Variants in FREM3 observed in about 807,000 individuals in gnomAD.
FREM3 encodes FRAS1 related extracellular matrix 3.
A neutral mutation model predicts 129.1 loss-of-function variants in FREM3; 105 were observed. That is an observed-to-expected ratio of 0.81 (90% CI 0.69 to 0.96). The LOEUF is 0.96. FREM3 is among the 40% of genes least tolerant of loss of function. FREM3 has a pLI of 0.00. For synonymous variants in FREM3, 1,014 were observed against 1,044.9 expected, an observed-to-expected ratio of 0.97 and a Z score of 0.57; for missense variants, 2,593 against 2,666.3, an observed-to-expected ratio of 0.97 and a Z score of 0.61.
At chr4:143,695,470 C>T (rs1384113887) in intron 1 of FREM3, 21 bp downstream of exon 1, 12 of 1,516,348 alleles carry the variant, frequency 7.9e-6, no homozygotes, top group Non-Finnish European at 1.1e-5. Flanking sequence ...ACAGAATAGG[C>T]AGGGAAGAAT....
chr4:143,696,288 C>T lies in FREM3; in HGVS notation c.4388G>A (p.Ser1463Asn), dbSNP rs1393960312. Residue 1463 changes from serine to asparagine, a missense_variant, in exon 1 of 8, where the codon AGC becomes AAC. Ser to Asn is a conservative substitution (Grantham distance 46). This residue lies in a region of FREM3 where 2,276 missense variants were observed against 2,267.2 expected (regional missense o/e 1.00). Coordinates refer to ENST00000329798, the MANE Select transcript of FREM3 (RefSeq NM_001168235.2). ...DINSSDEHHF[S>N]ITRAPSLGHL... ...ACCCAGGCTTGGAGCCCGTGTAATG[C>T]TAAAGTGATGTTCATCAGAGCTGTT... The T allele has an allele frequency of 5.9e-6, 9 of 1,537,578 alleles. No individual in the cohort carries two copies. In the South Asian group the frequency reaches 8.3e-5, roughly 14 times the overall value.
chr4:143,665,351 C>T (rs1414192122), intron 2 of FREM3, among the ~76,000 whole-genome samples: 4 of 152,082 alleles, frequency 2.6e-5, no homozygotes, highest in Admixed American at 2.6e-4. Context: ...ATAGCATTTA[C>T]CCTGCCTTAT....
intron 5 of FREM3, among the ~76,000 whole-genome samples, chr4:143,615,645 T>A (rs978548228): frequency 1.3e-5 from 2 of 151,750 alleles, no homozygotes; most frequent in Admixed American, 1.3e-4. Context: ...GAAAAAATAA[T>A]GATTCTGGCT....
In FREM3 at chr4:143,662,268, C is replaced by T. The variant is rs973001891; in HGVS notation, c.5275+30845G>A. On this transcript the variant is annotated intron_variant, in intron 2 of 7. Transcript: ENST00000329798. ...TCTACACACTGCTTTGAATGTGTCC[C>T]AGAGATTCTGGTATGTTGTGTCTTT... Among the ~76,000 whole-genome samples, 10 of 152,258 alleles carry T rather than the reference C, an allele frequency of 6.6e-5. No homozygotes were observed. In the East Asian group the frequency reaches 1.7e-3, roughly 26 times the overall value.
intron 1 of FREM3, among the ~76,000 whole-genome samples, chr4:143,695,028 A>G (rs910952121): frequency 6.6e-6 from 1 of 152,234 alleles, no homozygotes; most frequent in African/African-American, 2.4e-5. Context: ...AGACGTAGAA[A>G]TTACGTTTGA....
intron 2 of FREM3, among the ~76,000 whole-genome samples, chr4:143,688,698 C>G (rs957501946): frequency 6.6e-6 from 1 of 152,062 alleles, no homozygotes; most frequent in Non-Finnish European, 1.5e-5. Context: ...TGGAACAGAA[C>G]AGAGAACCCA....
chr4:143,674,510 C>A (rs140869431), intron 2 of FREM3, among the ~76,000 whole-genome samples: 2,158 of 152,228 alleles, frequency 0.014, 44 homozygotes, highest in African/African-American at 0.05. Flanking sequence ...TGGCTGACAT[C>A]GTAATGATAG....
rs146670212 is a variant in FREM3 at position 143,616,096 on chromosome 4, A to C, written c.5780-4569T>G. Among the ~76,000 whole-genome samples, 13 of 152,388 alleles carry C rather than the reference A, an allele frequency of 8.5e-5. No individual in the cohort carries two copies. In the East Asian group the frequency reaches 2.5e-3, roughly 29 times the overall value. On this transcript the variant is annotated intron_variant, in intron 5 of 7. Coordinates refer to ENST00000329798, the MANE Select transcript of FREM3 (RefSeq NM_001168235.2). ...AATACATGTAAGATTTTAGATGCAT[A>C]GAAAAAACATCTCTACAAAGACAAC...
At chr4:143,623,342 G>A (rs1465951872) in intron 4 of FREM3, among the ~76,000 whole-genome samples, 1 of 152,100 alleles carries the variant, frequency 6.6e-6, no homozygotes, top group African/African-American at 2.4e-5. Context: ...GTAGTTCAGA[G>A]CACACTAATG....
chr4:143,686,999 GAAAC>G (rs1281832708), intron 2 of FREM3, among the ~76,000 whole-genome samples: 3 of 151,778 alleles, frequency 2.0e-5, no homozygotes, highest in Non-Finnish European at 2.9e-5. Flanking sequence ...AAGTGAAACT[GAAAC>G]AAACAAACAA....
chr4:143,611,216 T>G, intron 6 of FREM3, 63 bp downstream of exon 6: 1 of 1,477,954 alleles, frequency 6.8e-7, no homozygotes, highest in Non-Finnish European at 9.0e-7. Flanking sequence ...GCCTTTCAAC[T>G]GTTGGAGGAA....
chr4:143,577,417 C>T lies in FREM3; in HGVS notation c.*194G>A. The T allele has an allele frequency of 3.6e-6, 2 of 555,462 alleles. No homozygotes were observed. The highest frequency in any genetic ancestry group is 6.2e-6 in the Non-Finnish European group (2 of 323,698). The allele number at this position is 555,462 out of a possible 1,614,324, so 34.4% of individuals were successfully genotyped here. A position where few individuals can be genotyped will look rare whatever the true frequency, so the allele number is the denominator to read the frequency against. On this transcript the variant is annotated 3_prime_UTR_variant, in exon 8 of 8. Coordinates refer to ENST00000329798, the MANE Select transcript of FREM3 (RefSeq NM_001168235.2). ...AACACAGTCTAATTATTTGTGGGCT[C>T]AATGTTTTCTAGGTATATATATTTC...
chr4:143,587,829 T>C (rs1578822039), intron 6 of FREM3, among the ~76,000 whole-genome samples: 1 of 152,310 alleles, frequency 6.6e-6, no homozygotes, highest in Admixed American at 6.5e-5. Context: ...GAAACAGATA[T>C]ATTCTGGCTG....
intron 2 of FREM3, among the ~76,000 whole-genome samples, chr4:143,657,760 A>T (rs1401488039): frequency 6.6e-6 from 1 of 152,152 alleles, no homozygotes; most frequent in Non-Finnish European, 1.5e-5. Context: ...ATTTTAGGTT[A>T]AAAAAGGTTA....
chr4:143,579,685 C>T (rs962774557), intron 7 of FREM3, among the ~76,000 whole-genome samples: 2 of 152,122 alleles, frequency 1.3e-5, no homozygotes, highest in Non-Finnish European at 2.9e-5. Flanking sequence ...AGGATGCTAA[C>T]ACAGTATCTG....
rs368191199 is a variant in FREM3 at position 143,664,149 on chromosome 4, A to C, written c.5275+28964T>G. Among the ~76,000 whole-genome samples, 91 of 152,162 alleles carry C rather than the reference A, an allele frequency of 6.0e-4. 2 individuals carry two copies. The East Asian group carries it at 0.013, about 22-fold the overall frequency. On this transcript the variant is annotated intron_variant, in intron 2 of 7. Transcript: ENST00000329798. ...GTGAGGAACTGCATTCCTTTGGAGGAGGAGAGGCGCTCTGGTTTTTAGAGT... is the reference window on the plus strand; with the variant it reads ...GTGAGGAACTGCATTCCTTTGGAGGCGGAGAGGCGCTCTGGTTTTTAGAGT...
intron 6 of FREM3, among the ~76,000 whole-genome samples, chr4:143,608,287 A>C (rs1226064401): frequency 6.6e-6 from 1 of 152,168 alleles, no homozygotes; most frequent in Non-Finnish European, 1.5e-5. Context: ...TTTGCTTGTT[A>C]TTATACATAC....
intron 2 of FREM3, among the ~76,000 whole-genome samples, chr4:143,676,948 G>C (rs1172459304): frequency 2.6e-5 from 4 of 152,120 alleles, no homozygotes; most frequent in Non-Finnish European, 5.9e-5. Flanking sequence ...AATTAATATC[G>C]TGAAAATGGC....
At chr4:143,674,344 G>C (rs1313392916) in intron 2 of FREM3, among the ~76,000 whole-genome samples, 2 of 152,178 alleles carry the variant, frequency 1.3e-5, no homozygotes, top group African/African-American at 4.8e-5. Flanking sequence ...CAACTGCTGA[G>C]AGATTTTGTC....
Sources: gnomAD v4.1 joint callset for allele counts (sites outside exome capture counted in the v4.1 genomes callset) on GRCh38, gnomAD v4.1.1 for gene constraint, gnomAD v4.1.1 regional missense constraint, MANE v1.5 for transcripts, NCBI Gene and HGNC (gene_info 2026-07-23, HGNC 2026-07-21) for gene names.